TANC1: variants seen among roughly 807,000 people sequenced by gnomAD.
TANC1 encodes protein TANC1.
In TANC1, 77 loss-of-function variants were observed where a neutral mutation model predicts 149.7. The observed-to-expected ratio is 0.51, with a 90% CI of 0.43 to 0.62. The LOEUF (loss-of-function observed/expected upper bound fraction) is 0.62, where lower values mean the gene tolerates loss of function less well. Ranked by LOEUF, TANC1 falls within the 20% of genes least tolerant of loss-of-function variation. The pLI is 0.00. For missense variants in TANC1, 1,985 were observed against 2,321.8 expected (o/e 0.85, Z 2.98); for synonymous variants, 854 against 925.0 (o/e 0.92, Z 1.39).
chr2:159,030,971 C>G (rs1481360565), intron 2 of TANC1, among the ~76,000 whole-genome samples: 1 of 152,122 alleles, frequency 6.6e-6, no homozygotes, highest in African/African-American at 2.4e-5. Context: ...GACACAGGCA[C>G]CCATGTCCCC....
intron 19 of TANC1, among the ~76,000 whole-genome samples, chr2:159,206,616 C>A (rs1327622649): frequency 1.3e-5 from 2 of 152,232 alleles, no homozygotes; most frequent in African/African-American, 4.8e-5. Context: ...AAAAATACTT[C>A]TGCCTTCAAC....
rs540755255 is a variant in TANC1 at position 159,059,524 on chromosome 2, A to T, written c.-15-6372A>T. 3.2e-3 allele frequency among the ~76,000 whole-genome samples: 424 copies of T among 133,898 alleles called. 6 individuals are homozygous for T. The highest frequency in any genetic ancestry group is 1.4e-3 in the East Asian group (7 of 5,124). The allele number at this position is 133,898 out of a possible 152,430, so 87.8% of individuals were successfully genotyped here. A position where few individuals can be genotyped will look rare whatever the true frequency, so the allele number is the denominator to read the frequency against. Reference sequence around the variant, plus strand: ...TCTCTTAAAAAAAACCAAATATATAAAAAAAAAAGAAGAACCAAAGGCCAA... The same window carrying T: ...TCTCTTAAAAAAAACCAAATATATATAAAAAAAAGAAGAACCAAAGGCCAA... On this transcript the variant is annotated intron_variant, in intron 2 of 26. Coordinates refer to ENST00000263635, the MANE Select transcript of TANC1 (RefSeq NM_033394.3).
rs2058060823 is a variant in TANC1, at chr2:159,199,012, A to C, written c.3203A>C (p.Glu1068Ala). 6.2e-7 allele frequency: 1 copy of C among 1,614,092 alleles called. No individual in the cohort carries two copies. The highest frequency in any genetic ancestry group is 1.3e-5 in the African/African-American group (1 of 75,036). Reference protein sequence around the residue: ...QCLLGMEKEHEVEVNGTDTLW... With the variant: ...QCLLGMEKEHAVEVNGTDTLW... Reference sequence around the variant, plus strand: ...TTGCTGGGGATGGAGAAGGAACATGAAGTAGAAGTCAATGGCACCGACACA... The same window carrying C: ...TTGCTGGGGATGGAGAAGGAACATGCAGTAGAAGTCAATGGCACCGACACA... Residue 1068 changes from glutamate to alanine, a missense_variant, in exon 19 of 27, where the codon GAA (glutamate) becomes GCA (alanine). Physicochemically the swap from Glu to Ala is moderately radical, Grantham distance 107. Coordinates refer to ENST00000263635, the MANE Select transcript of TANC1 (RefSeq NM_033394.3).
At chr2:159,174,399 A>G (rs1050935263) in intron 11 of TANC1, among the ~76,000 whole-genome samples, 1 of 152,098 alleles carries the variant, frequency 6.6e-6, no homozygotes, top group African/African-American at 2.4e-5. Context: ...GCCCCTGTAG[A>G]ACTCCTCCAC....
intron 16 of TANC1, among the ~76,000 whole-genome samples, chr2:159,187,629 C>T (rs2057100181): frequency 6.6e-6 from 1 of 152,106 alleles, no homozygotes; most frequent in African/African-American, 2.4e-5. Context: ...ACACAGAGGC[C>T]AAGCAGCCTG....
At chr2:159,149,616 A>G (rs530068119) in intron 6 of TANC1, 13 of 267,206 alleles carry the variant, frequency 4.9e-5, no homozygotes, top group South Asian at 4.6e-4. Context: ...TTGCTTTGGT[A>G]TACGCTTTCC....
At chr2:159,017,319 T>C (rs2038379942) in intron 2 of TANC1, among the ~76,000 whole-genome samples, 1 of 152,206 alleles carries the variant, frequency 6.6e-6, no homozygotes, top group Non-Finnish European at 1.5e-5. Flanking sequence ...TAAAAGATAT[T>C]ATATTCTCTC....
chr2:158,994,973 C>T (rs1318350279), intron 1 of TANC1, among the ~76,000 whole-genome samples: 2 of 152,228 alleles, frequency 1.3e-5, no homozygotes, highest in Non-Finnish European at 2.9e-5. Flanking sequence ...ACATGGAAGG[C>T]TTCGAGCTGG....
chr2:159,223,913 G>A (rs1380962103), intron 22 of TANC1, among the ~76,000 whole-genome samples: 1 of 152,196 alleles, frequency 6.6e-6, no homozygotes, highest in South Asian at 2.1e-4. Context: ...AGATGCAAAG[G>A]TGACTATGTC....
chr2:159,148,982 G>C, intron 5 of TANC1, 160 bp from the exon 6 acceptor site: 1 of 748,770 alleles, frequency 1.3e-6, no homozygotes, highest in Non-Finnish European at 2.2e-6. Context: ...CCCTTAATTA[G>C]AATGTATTGC....
chr2:159,003,544 CT>C (rs2036818217), intron 2 of TANC1, among the ~76,000 whole-genome samples: 1 of 152,190 alleles, frequency 6.6e-6, no homozygotes, highest in Non-Finnish European at 1.5e-5. Context: ...CTGCCCGAGG[CT>C]ACACAGTTAA....
At chr2:158,990,438 A>G (rs1335903518) in intron 1 of TANC1, among the ~76,000 whole-genome samples, 1 of 152,184 alleles carries the variant, frequency 6.6e-6, no homozygotes, top group Non-Finnish European at 1.5e-5. Context: ...AGGCTGACAC[A>G]TGAATTCATC....
At chr2:159,010,646 G>A (rs903041526) in intron 2 of TANC1, among the ~76,000 whole-genome samples, 30 of 144,738 alleles carry the variant, frequency 2.1e-4, no homozygotes, top group African/African-American at 7.9e-4. Flanking sequence ...ATTCTAATCT[G>A]CCAAATCCTA....
intron 1 of TANC1, among the ~76,000 whole-genome samples, chr2:158,987,581 A>G (rs1334142057): frequency 6.6e-6 from 1 of 152,158 alleles, no homozygotes; most frequent in Non-Finnish European, 1.5e-5. Context: ...TCACTCATTC[A>G]TTAGACCATT....
intron 5 of TANC1, among the ~76,000 whole-genome samples, chr2:159,141,783 G>A (rs770336280): frequency 6.6e-6 from 1 of 152,178 alleles, no homozygotes; most frequent in African/African-American, 2.4e-5. Flanking sequence ...TCATTTATGA[G>A]CTGGGACTAA....
chr2:159,101,207 A>G (rs1042489353), intron 4 of TANC1, among the ~76,000 whole-genome samples: 2 of 152,244 alleles, frequency 1.3e-5, no homozygotes, highest in South Asian at 2.1e-4. Flanking sequence ...AGTTGTTTGT[A>G]TAGAAACTCT....
At chr2:159,077,410 C>T (rs1225617804) in intron 3 of TANC1, among the ~76,000 whole-genome samples, 1 of 152,174 alleles carries the variant, frequency 6.6e-6, no homozygotes, top group Non-Finnish European at 1.5e-5. Flanking sequence ...TTAAAACAGA[C>T]ACTATTCCTA....
chr2:159,110,521 C>T (rs1039258436), intron 4 of TANC1, among the ~76,000 whole-genome samples: 4 of 152,192 alleles, frequency 2.6e-5, no homozygotes, highest in African/African-American at 9.7e-5. Context: ...CACCATGTTG[C>T]ACAGGCTGGT....
At chr2:159,022,846 C>T (rs775573219) in intron 2 of TANC1, among the ~76,000 whole-genome samples, 4 of 152,134 alleles carry the variant, frequency 2.6e-5, no homozygotes, top group African/African-American at 9.7e-5. Context: ...GCTCGACAGA[C>T]CTTCCTAAGA....
Sources: allele counts gnomAD v4.1 joint callset (sites outside exome capture counted in the v4.1 genomes callset), GRCh38; gene constraint gnomAD v4.1.1; transcripts MANE v1.5; gene names NCBI Gene and HGNC (gene_info 2026-07-23, HGNC 2026-07-21).